The following TDO2 variants were observed in gnomAD, a reference collection of about 807,000 sequenced individuals.
The protein encoded by TDO2 is tryptamin 2,3-dioxygenase.
Under a neutral mutation model 61.2 loss-of-function variants are expected in TDO2, and 63 were observed. The ratio of observed to expected loss-of-function variants is 1.03; its 90% confidence interval spans 0.84 to 1.27. The LOEUF (loss-of-function observed/expected upper bound fraction) is 1.27, where lower values mean the gene tolerates loss of function less well. TDO2 is among the 50% of genes most tolerant of loss of function. The pLI, the probability that TDO2 is intolerant of heterozygous loss-of-function variation, is 0.00. For synonymous variants in TDO2, 183 were observed against 164.0 expected, an observed-to-expected ratio of 1.12 and a Z score of -0.89; for missense variants, 494 against 469.5, an observed-to-expected ratio of 1.05 and a Z score of -0.48.
chr4:155,905,960 G>C (rs1247479365), intron 3 of TDO2: 1 of 152,114 alleles, frequency 6.6e-6, no homozygotes, highest in Non-Finnish European at 1.5e-5. Flanking sequence ...CAGTTCTCCT[G>C]TTTTTATGTT....
intron 2 of TDO2, among the ~76,000 whole-genome samples, chr4:155,904,463 A>T (rs1269488664): frequency 1.3e-5 from 2 of 152,202 alleles, no homozygotes; most frequent in African/African-American, 2.4e-5. Flanking sequence ...AGATAACTGC[A>T]AATGTATCTT....
At chr4:155,911,330 C>T (rs1742825423) in intron 6 of TDO2, among the ~76,000 whole-genome samples, 167 bp from the exon 7 acceptor site, 1 of 151,752 alleles carries the variant, frequency 6.6e-6, no homozygotes, top group African/African-American at 2.4e-5. Flanking sequence ...TTAATTATTT[C>T]ATAAATGAAG....
intron 8 of TDO2, among the ~76,000 whole-genome samples, chr4:155,915,026 T>C (rs1281396750): frequency 6.6e-6 from 1 of 152,146 alleles, no homozygotes; most frequent in Non-Finnish European, 1.5e-5. Flanking sequence ...TGTGTGTGGG[T>C]GAGTTCTTTC....
chr4:155,916,541 G>T (rs912226744), intron 9 of TDO2, among the ~76,000 whole-genome samples: 2 of 151,704 alleles, frequency 1.3e-5, no homozygotes, highest in African/African-American at 4.8e-5. Flanking sequence ...ATTAAACAAT[G>T]CTCTAAGATT....
At position 155,903,807 on chromosome 4, in the gene TDO2, T is replaced by G. The variant is rs1429580267; in HGVS notation, c.35+14T>G. ...AAACAACTTTGGGTGAGTATTTACC[T>G]TTATTCTAAGTGGGTTTTGGCTTTT... On this transcript the variant is annotated intron_variant, in intron 1 of 11. Coordinates refer to ENST00000536354, the MANE Select transcript of TDO2 (RefSeq NM_005651.4). 3.1e-6 allele frequency: 5 copies of G among 1,614,134 alleles called. No homozygotes were observed. The highest frequency in any genetic ancestry group is 4.2e-6 in the Non-Finnish European group (5 of 1,179,994).
At chr4:155,912,634 T>C (rs1344961707) in intron 7 of TDO2, among the ~76,000 whole-genome samples, 1 of 152,138 alleles carries the variant, frequency 6.6e-6, no homozygotes, top group African/African-American at 2.4e-5. Context: ...GGTAGAGTTT[T>C]GTAGTCCATT....
intron 10 of TDO2, 119 bp downstream of exon 10, chr4:155,917,593 G>C (rs1355304829): frequency 3.8e-6 from 3 of 784,154 alleles, no homozygotes; most frequent in Non-Finnish European, 6.0e-6. Flanking sequence ...TTGTGTGTGG[G>C]TGCATTCTTT....
At chr4:155,915,172 T>C (rs1742908661) in intron 8 of TDO2, among the ~76,000 whole-genome samples, 1 of 152,208 alleles carries the variant, frequency 6.6e-6, no homozygotes, top group Non-Finnish European at 1.5e-5. Flanking sequence ...ACTTTTGCGT[T>C]CATTTTGACT....
At position 155,904,017 on chromosome 4, in the gene TDO2, G is replaced by A; in HGVS notation, c.36-1G>A. On this transcript the variant is annotated splice_acceptor_variant, in intron 1 of 11. Transcript: ENST00000536354. LOFTEE classifies it high-confidence loss of function. ...TCCCTCTTGATTTATTAAATTTGCA[G>A]ATATACTTTTAAAAAACTCCCCGTA... is the stretch of plus-strand genomic sequence containing the variant. The A allele has an allele frequency of 6.2e-7, 1 of 1,612,858 alleles. No homozygotes were observed. The highest frequency in any genetic ancestry group is 8.5e-7 in the Non-Finnish European group (1 of 1,179,114).
chr4:155,908,098 G>A (rs1005357684), intron 4 of TDO2, among the ~76,000 whole-genome samples: 10 of 152,090 alleles, frequency 6.6e-5, no homozygotes, highest in African/African-American at 2.4e-4. Context: ...TTAATTAACA[G>A]GTACCAGAAT....
chr4:155,903,744 C>T lies in TDO2; in HGVS notation c.-15C>T, dbSNP rs759321298. The T allele has an allele frequency of 1.2e-6, 2 of 1,614,070 alleles. No individual in the cohort carries two copies. The highest frequency in any genetic ancestry group is 1.3e-5 in the African/African-American group (1 of 74,938). ...GAGTCAAACCTCCGTGCTTCTCAGA[C>T]AGTGCCTTTTCACCATGAGTGGGTG... On this transcript the variant is annotated 5_prime_UTR_variant, in exon 1 of 12. Transcript: ENST00000536354.
At chr4:155,907,927 A>G (rs1013098396) in intron 4 of TDO2, 135 bp downstream of exon 4, 25 of 612,026 alleles carry the variant, frequency 4.1e-5, no homozygotes, top group African/African-American at 3.6e-4. Context: ...CATTTTATGA[A>G]TGAATGAGGA....
At chr4:155,910,358 T>C in intron 6 of TDO2, 147 bp downstream of exon 6, 1 of 607,664 alleles carries the variant, frequency 1.6e-6, no homozygotes, top group Non-Finnish European at 2.6e-6. Context: ...ATACATGAAT[T>C]TGTAAATTCA....
rs374067208 is a variant in TDO2 at position 155,915,842 on chromosome 4, A to G, written c.839-13A>G. 9 of 1,599,320 alleles carry G rather than the reference A, an allele frequency of 5.6e-6. No individual in the cohort carries two copies. The highest frequency in any genetic ancestry group is 5.3e-5 in the Admixed American group (3 of 56,332). ...ATGACCTAAAAAATTTAAATTTAGTATGTATTTTGCAGGTGAAAGACGGCT... is the reference window on the plus strand; with the variant it reads ...ATGACCTAAAAAATTTAAATTTAGTGTGTATTTTGCAGGTGAAAGACGGCT... On this transcript the variant is annotated splice_polypyrimidine_tract_variant and intron_variant, in intron 8 of 11. Transcript: ENST00000536354.
At position 155,919,863 on chromosome 4, in the gene TDO2, T is replaced by C. The variant is rs1213703450; in HGVS notation, c.1094T>C (p.Leu365Ser). 1 of 1,613,576 alleles carries C rather than the reference T, an allele frequency of 6.2e-7. No individual in the cohort carries two copies. Among genetic ancestry groups the C allele is most frequent in the Non-Finnish European group, 8.5e-7 (1 of 1,179,724 alleles). The change falls in exon 12 of 12, where the codon TTA becomes TCA. Residue 365 changes from leucine (L) to serine (S), a missense_variant. Leu to Ser is a moderately radical substitution (Grantham distance 145). Transcript: ENST00000536354. ...VSDRYKVFVD[L>S]FNLSTYLIPR... ...GATAGGTACAAGGTATTTGTAGATTTATTTAATCTTTCAACATACCTGATT... is the reference window on the plus strand; with the variant it reads ...GATAGGTACAAGGTATTTGTAGATTCATTTAATCTTTCAACATACCTGATT...
intron 3 of TDO2, chr4:155,906,866 A>G (rs1742727695): frequency 6.6e-6 from 1 of 152,214 alleles, no homozygotes; most frequent in African/African-American, 2.4e-5. Flanking sequence ...GAAGTTAAAG[A>G]AAATGGTTTT....
intron 11 of TDO2, 44 bp from the exon 12 acceptor site, chr4:155,919,793 T>G: frequency 6.6e-7 from 1 of 1,525,136 alleles, no homozygotes; most frequent in Non-Finnish European, 8.8e-7. Flanking sequence ...ATTTAAATAT[T>G]TCATGTCAAC....
At chr4:155,912,811 C>T (rs1253910631) in intron 7 of TDO2, among the ~76,000 whole-genome samples, 1 of 152,030 alleles carries the variant, frequency 6.6e-6, no homozygotes, top group Non-Finnish European at 1.5e-5. Flanking sequence ...TTGATATTTC[C>T]TCCTGGTCCT....
At chr4:155,910,414 G>A (rs777969614) in intron 6 of TDO2, among the ~76,000 whole-genome samples, 5 of 151,982 alleles carry the variant, frequency 3.3e-5, no homozygotes, top group Non-Finnish European at 4.4e-5. Flanking sequence ...TGAGAACTTC[G>A]GAAATACTTA....
Sources: allele counts gnomAD v4.1 joint callset (sites outside exome capture counted in the v4.1 genomes callset), GRCh38; gene constraint gnomAD v4.1.1; transcripts MANE v1.5; gene names NCBI Gene and HGNC (gene_info 2026-07-23, HGNC 2026-07-21).